The following PIF1 variants were observed in gnomAD, a reference collection of about 807,000 sequenced individuals.
PIF1 encodes the protein ATP-dependent DNA helicase PIF1.
A neutral mutation model predicts 62.3 loss-of-function variants in PIF1; 67 were observed. The ratio of observed to expected loss-of-function variants is 1.08; its 90% confidence interval spans 0.88 to 1.32. The LOEUF (loss-of-function observed/expected upper bound fraction) is 1.32, where lower values mean the gene tolerates loss of function less well. PIF1 is among the 40% of genes most tolerant of loss of function. PIF1 has a pLI of 0.00. For synonymous variants in PIF1, 364 were observed against 379.5 expected, an observed-to-expected ratio of 0.96 and a Z score of 0.47; for missense variants, 886 against 866.1, an observed-to-expected ratio of 1.02 and a Z score of -0.29.
At chr15:64,818,936 G>T in intron 9 of PIF1, 181 bp downstream of exon 9, 1 of 487,792 alleles carries the variant, frequency 2.1e-6, no homozygotes, top group Non-Finnish European at 3.6e-6. Flanking sequence ...GGTGTAGGAA[G>T]AGAAAAACAG....
Position 64,815,922 on chromosome 15 carries a change from G to C in PIF1, c.*376C>G. ...CCCTGATGCTGCTTCCGGAGCACCTGTCTTCATTGCCTCTCCCTTCTGCAG... is the reference window on the plus strand; with the variant it reads ...CCCTGATGCTGCTTCCGGAGCACCTCTCTTCATTGCCTCTCCCTTCTGCAG... On this transcript the variant is annotated 3_prime_UTR_variant, in exon 13 of 13. Transcript: ENST00000559239. 1 of 1,550,350 alleles carries C rather than the reference G, an allele frequency of 6.5e-7. No individual in the cohort carries two copies. The highest frequency in any genetic ancestry group is 2.4e-5 in the East Asian group (1 of 40,920).
chr15:64,823,175 C>G (rs1458800372), intron 2 of PIF1: 2 of 154,606 alleles, frequency 1.3e-5, no homozygotes, highest in African/African-American at 2.4e-5. Context: ...CTCCTCTACT[C>G]TGGGCCTATT....
intron 1 of PIF1, 148 bp from the exon 2 acceptor site, chr15:64,824,502 A>G: frequency 2.0e-6 from 1 of 503,552 alleles, no homozygotes; most frequent in East Asian, 3.5e-5. Context: ...TAACACAAAG[A>G]GGTCACAAAG....
Position 64,816,346 on chromosome 15 carries a change from A to T in PIF1, c.1878T>A (p.Asp626Glu), listed in dbSNP as rs1389061359. 1 of 1,613,918 alleles carries T rather than the reference A, an allele frequency of 6.2e-7. No individual in the cohort carries two copies. The highest frequency in any genetic ancestry group is 2.2e-5 in the East Asian group (1 of 44,884). ...RGRSLSLESP[D>E]DDEAASDQEN... ...CCTGGTCTGAGGCTGCCTCATCATC[A>T]TCTGGGGACTCCTGGATCAGAGCCA... is the stretch of plus-strand genomic sequence containing the variant. The change falls in exon 13 of 13, where the codon GAT (aspartate) becomes GAA (glutamate). Residue 626 changes from aspartate to glutamate, a missense_variant. Asp to Glu is a conservative substitution (Grantham distance 45, BLOSUM62 2). Coordinates refer to ENST00000559239, the MANE Select transcript of PIF1 (RefSeq NM_001286496.2).
chr15:64,817,836 TGGG>T, intron 11 of PIF1, 107 bp downstream of exon 11: 1 of 1,308,684 alleles, frequency 7.6e-7, no homozygotes, highest in Non-Finnish European at 1.0e-6. Context: ...CACTCCAGCG[TGGG>T]CGACAGAGCA....
At chr15:64,818,157 C>T (rs190414149) in intron 10 of PIF1, 66 bp from the exon 11 acceptor site, 2 of 1,610,828 alleles carry the variant, frequency 1.2e-6, no homozygotes, top group African/African-American at 1.3e-5. Flanking sequence ...GGAGCAGGGG[C>T]CTTTGGAGCT....
chr15:64,820,652 C>A (rs965185907), intron 7 of PIF1, among the ~76,000 whole-genome samples: 1 of 152,228 alleles, frequency 6.6e-6, no homozygotes, highest in African/African-American at 2.4e-5. Flanking sequence ...GCCTCAGCCT[C>A]CCAAAGTGCT....
chr15:64,824,861 A>T (rs1441503003), intron 1 of PIF1, among the ~76,000 whole-genome samples: 6 of 122,712 alleles, frequency 4.9e-5, no homozygotes, highest in African/African-American at 1.8e-4. Flanking sequence ...TGCATACATT[A>T]TATATATGTG....
chr15:64,819,986 C>A lies in PIF1; in HGVS notation c.1194G>T (p.Arg398Ser). 9 of 1,613,220 alleles carry A rather than the reference C, an allele frequency of 5.6e-6. No homozygotes were observed. Among genetic ancestry groups the A allele is most frequent in the Non-Finnish European group, 7.6e-6 (9 of 1,179,574 alleles). ...GCTGGCGGGTCACCTCATCTGAACA[C>A]CTGTTGGGGCTGGACTGTCAGGGCA... Reference protein sequence around the residue: ...ISLLQAVRLGRCSDEVTRQLQ... With the variant: ...ISLLQAVRLGSCSDEVTRQLQ... The change falls in exon 8 of 13, where the codon AGG becomes AGT. Residue 398 changes from arginine to serine, a missense_variant and splice_region_variant. By Grantham distance (110) the Arg-to-Ser change is moderately radical (BLOSUM62 -1). Transcript: ENST00000559239.
Position 64,815,884 on chromosome 15 carries a change from TC to T in PIF1, c.*413del. The T allele has an allele frequency of 6.4e-7, 1 of 1,550,524 alleles. No individual in the cohort carries two copies. The highest frequency in any genetic ancestry group is 8.7e-7 in the Non-Finnish European group (1 of 1,146,976). ...TGCACCCAGCCTGAGTCCCCACCAGTCCCCTCCAAGAGCCCTGATGCTGCTT... is the reference window on the plus strand; with the variant it reads ...TGCACCCAGCCTGAGTCCCCACCAGTCCCTCCAAGAGCCCTGATGCTGCTT... On this transcript the variant is annotated 3_prime_UTR_variant, in exon 13 of 13. Coordinates refer to ENST00000559239, the MANE Select transcript of PIF1 (RefSeq NM_001286496.2).
intron 4 of PIF1, 44 bp downstream of exon 4, chr15:64,822,222 A>T (rs1242557528): frequency 6.3e-7 from 1 of 1,580,680 alleles, no homozygotes; most frequent in Non-Finnish European, 8.6e-7. Context: ...CCTTCCCAGA[A>T]GCTGGGCTTG....
rs191345285 is a variant in PIF1 at position 64,824,011 on chromosome 15, G to A, written c.325C>T (p.Pro109Ser). The stretch of plus-strand genomic sequence containing the variant: ...AGGAAGCGGCGCAGGCGGTCTGGGG[G>A]GCAGTCCGAGAGCAGCAGCTGCACT... ...GAVQLLLSDC[P>S]PDRLRRFLRT... is the part of the protein sequence containing the mutation. The change falls in exon 2 of 13, where the codon CCC (proline) becomes TCC (serine). Residue 109 changes from proline (P) to serine (S), a missense_variant. Physicochemically the swap from Pro to Ser is moderately conservative, Grantham distance 74. Transcript: ENST00000559239. The A allele has an allele frequency of 0.014, 17,922 of 1,297,392 alleles. 145 individuals are homozygous for A. The highest frequency in any genetic ancestry group is 0.016 in the Non-Finnish European group (15,923 of 1,023,396). 80.4% of individuals were successfully genotyped at this position (1,297,392 alleles called of 1,614,324 possible).
chr15:64,821,110 T>C lies in PIF1; in HGVS notation c.1087-22A>G, dbSNP rs201313033. The C allele has an allele frequency of 3.0e-5, 44 of 1,475,942 alleles. No homozygotes were observed. In the East Asian group the frequency reaches 9.1e-4, roughly 30 times the overall value. The allele number at this position is 1,475,942 out of a possible 1,614,324, so 91.4% of individuals were successfully genotyped here. ...TGGACTGGTGGGGGCAGGGTGGGGGTGGGTCAAGGAGCAGAGCAGACCCCC... is the reference window on the plus strand; with the variant it reads ...TGGACTGGTGGGGGCAGGGTGGGGGCGGGTCAAGGAGCAGAGCAGACCCCC... On this transcript the variant is annotated intron_variant, in intron 6 of 12. Coordinates refer to ENST00000559239, the MANE Select transcript of PIF1 (RefSeq NM_001286496.2).
At chr15:64,823,070 A>T (rs1164475149) in intron 2 of PIF1, among the ~76,000 whole-genome samples, 2 of 152,038 alleles carry the variant, frequency 1.3e-5, no homozygotes, top group Non-Finnish European at 2.9e-5. Context: ...GCCCCAGCCC[A>T]TGAAAATTGT....
rs1872592 is a variant in PIF1 at position 64,821,294 on chromosome 15, G to A, written c.972-13C>T. 0.59 allele frequency: 960,141 copies of A among 1,613,946 alleles called. 290,131 individuals are homozygous for A. The highest frequency in any genetic ancestry group is 0.9 in the East Asian group (40,445 of 44,878). ...CTGCCGGACAGCTCTGGAGAGGAGC[G>A]TGGGGTGCTTTAGGGGCACACAGAA... On this transcript the variant is annotated splice_polypyrimidine_tract_variant and intron_variant, in intron 5 of 12. Transcript: ENST00000559239.
At chr15:64,820,894 C>A in intron 7 of PIF1, 88 bp downstream of exon 7, 1 of 1,198,810 alleles carries the variant, frequency 8.3e-7, no homozygotes, top group African/African-American at 1.5e-5. Flanking sequence ...AACAATTCTA[C>A]CCCTTCTGTG....
At chr15:64,820,868 G>C in intron 7 of PIF1, 114 bp downstream of exon 7, 1 of 904,336 alleles carries the variant, frequency 1.1e-6, no homozygotes, top group Non-Finnish European at 1.7e-6. Flanking sequence ...TGCATGGAGT[G>C]CTTGCTCCTG....
At position 64,817,931 on chromosome 15, in the gene PIF1, C is replaced by G. The variant is rs373115862; in HGVS notation, c.1674+15G>C. ...CTCTGCCCTCCCTGTCCCTGCCCCC[C>G]ACACCGGTGCTCACTTGGCTCTTGT... On this transcript the variant is annotated intron_variant, in intron 11 of 12. Transcript: ENST00000559239. The G allele has an allele frequency of 2.9e-5, 47 of 1,603,270 alleles. No individual in the cohort carries two copies. The highest frequency in any genetic ancestry group is 1.7e-4 in the Middle Eastern group (1 of 6,026).
chr15:64,820,103 AC>A, intron 7 of PIF1, 117 bp from the exon 8 acceptor site: 1 of 1,324,752 alleles, frequency 7.5e-7, no homozygotes, highest in Non-Finnish European at 1.0e-6. Context: ...GGAAGAGGGC[AC>A]CAGGGAAGAG....
Sources: gnomAD v4.1 joint callset for allele counts (sites outside exome capture counted in the v4.1 genomes callset) on GRCh38, gnomAD v4.1.1 for gene constraint, MANE v1.5 for transcripts, NCBI Gene and HGNC (gene_info 2026-07-23, HGNC 2026-07-21) for gene names.